Variants in NBEA observed in about 807,000 individuals in gnomAD.
The protein encoded by NBEA is lysosomal-trafficking regulator 2.
Under a neutral mutation model 343.4 loss-of-function variants are expected in NBEA, and 44 were observed. The ratio of observed to expected loss-of-function variants is 0.13; its 90% confidence interval spans 0.10 to 0.16. The LOEUF is 0.16. Ranked by LOEUF, NBEA falls within the 10% of genes least tolerant of loss-of-function variation. NBEA has a pLI of 1.00. For missense variants in NBEA, 2,555 were observed against 3,631.3 expected (o/e 0.70, Z 7.62); for synonymous variants, 1,175 against 1,238.7 (o/e 0.95, Z 1.08).
At chr13:35,621,034 C>G (rs1024520448) in intron 48 of NBEA, among the ~76,000 whole-genome samples, 1 of 152,092 alleles carries the variant, frequency 6.6e-6, no homozygotes, top group African/African-American at 2.4e-5. Flanking sequence ...TTCTAAGCAG[C>G]GGAAAAAGCC....
chr13:34,999,841 G>T lies in NBEA; in HGVS notation c.295-41092G>T, dbSNP rs2061066735. Among the ~76,000 whole-genome samples the T allele has an allele frequency of 2.0e-5, 3 of 151,968 alleles. No individual in the cohort carries two copies. The South Asian group carries it at 6.2e-4, about 32-fold the overall frequency. The stretch of plus-strand genomic sequence containing the variant: ...TATATATCCAGTAAGTACAGTGTCT[G>T]GATTTTAACACAGGCATTCTATTTC... On this transcript the variant is annotated intron_variant, in intron 1 of 58. Transcript: ENST00000379939.
At chr13:34,984,259 G>C (rs180960264) in intron 1 of NBEA, among the ~76,000 whole-genome samples, 1 of 152,272 alleles carries the variant, frequency 6.6e-6, no homozygotes, top group East Asian at 1.9e-4. Context: ...CATATGGCTA[G>C]CCAGTTATTA....
intron 48 of NBEA, among the ~76,000 whole-genome samples, chr13:35,622,899 T>G (rs1388425673): frequency 6.6e-6 from 1 of 152,130 alleles, no homozygotes; most frequent in Non-Finnish European, 1.5e-5. Context: ...TCGGAGAAGC[T>G]TTACCCCAAA....
At chr13:35,541,489 C>A (rs755672437) in intron 41 of NBEA, among the ~76,000 whole-genome samples, 1 of 151,994 alleles carries the variant, frequency 6.6e-6, no homozygotes, top group Non-Finnish European at 1.5e-5. Context: ...AAATAGGAAG[C>A]CTTCTTGCAG....
intron 17 of NBEA, among the ~76,000 whole-genome samples, chr13:35,136,076 C>G (rs2067711297): frequency 6.6e-6 from 1 of 152,074 alleles, no homozygotes; most frequent in Admixed American, 6.6e-5. Flanking sequence ...GACTCTCCCC[C>G]TCCAAAACAA....
chr13:35,283,342 CTTAACT>C lies in NBEA; in HGVS notation c.5777-7044_5777-7039del, dbSNP rs796111555. Among the ~76,000 whole-genome samples the C allele has an allele frequency of 4.1e-4, 62 of 152,128 alleles. 1 individual carries two copies. The highest frequency in any genetic ancestry group is 1.4e-3 in the African/African-American group (59 of 41,498). ...TGGGTATTGTGTAACTACAATTAAA[CTTAACT>C]TTGTTTCTGAGCAATCTAAACATTC... On this transcript the variant is annotated intron_variant, in intron 34 of 58. Transcript: ENST00000379939.
chr13:35,521,144 AATATTAG>A (rs1318099967), intron 41 of NBEA, among the ~76,000 whole-genome samples: 39 of 151,922 alleles, frequency 2.6e-4, no homozygotes. Context: ...AAGGGAGGAT[AATATTAG>A]ATATTAATTT....
At chr13:35,554,372 A>G (rs1219339345) in intron 43 of NBEA, among the ~76,000 whole-genome samples, 1 of 152,228 alleles carries the variant, frequency 6.6e-6, no homozygotes, top group Admixed American at 6.5e-5. Flanking sequence ...TTAGATGAAC[A>G]CATTGAACCT....
rs186368357 is a variant in NBEA, at chr13:35,512,796, C to T, written c.6586-37681C>T. Among the ~76,000 whole-genome samples, 3 of 152,306 alleles carry T rather than the reference C, an allele frequency of 2.0e-5. No homozygotes were observed. The South Asian group carries it at 6.2e-4, about 32-fold the overall frequency. On this transcript the variant is annotated intron_variant, in intron 41 of 58. Coordinates refer to ENST00000379939, the MANE Select transcript of NBEA (RefSeq NM_001385012.1). ...ATTGGCAAACCTCTGGATTAGCTGT[C>T]GTTGATTCAGCCTAGAGGAGGTACC... is the stretch of plus-strand genomic sequence containing the variant.
At chr13:35,072,729 T>C (rs2063929563) in intron 10 of NBEA, among the ~76,000 whole-genome samples, 2 of 151,904 alleles carry the variant, frequency 1.3e-5, no homozygotes, top group East Asian at 3.9e-4. Flanking sequence ...GCCCAGCTAA[T>C]TTTTTTTATT....
chr13:35,632,192 A>T (rs955161908), intron 49 of NBEA, among the ~76,000 whole-genome samples: 1 of 152,076 alleles, frequency 6.6e-6, no homozygotes, highest in Admixed American at 6.6e-5. Flanking sequence ...AAAGTATATG[A>T]TCTGATTTAT....
At chr13:35,123,448 T>G in intron 16 of NBEA, 34 bp from the exon 17 acceptor site, 1 of 1,257,256 alleles carries the variant, frequency 8.0e-7, no homozygotes, top group Non-Finnish European at 1.1e-6. Context: ...TTAATATTAG[T>G]AAGTTTTTAA....
intron 1 of NBEA, among the ~76,000 whole-genome samples, chr13:35,008,424 C>A (rs1192288820): frequency 6.6e-6 from 1 of 152,108 alleles, no homozygotes; most frequent in African/African-American, 2.4e-5. Flanking sequence ...ATGGCCTATA[C>A]AATGTAAATG....
intron 40 of NBEA, among the ~76,000 whole-genome samples, chr13:35,464,489 A>G (rs1324245601): frequency 2.6e-5 from 4 of 152,182 alleles, no homozygotes; most frequent in African/African-American, 9.6e-5. Context: ...CTTCCCCACC[A>G]AAAATAGGCC....
intron 38 of NBEA, among the ~76,000 whole-genome samples, chr13:35,404,934 G>A (rs985520123): frequency 6.6e-6 from 1 of 151,956 alleles, no homozygotes; most frequent in Admixed American, 6.6e-5. Flanking sequence ...GAATAGCATA[G>A]AACTTGGAAT....
chr13:35,541,373 C>G (rs971212187), intron 41 of NBEA, among the ~76,000 whole-genome samples: 5 of 151,820 alleles, frequency 3.3e-5, no homozygotes, highest in Non-Finnish European at 7.4e-5. Context: ...TCCTAATGGT[C>G]AGCTGATAAA....
intron 41 of NBEA, among the ~76,000 whole-genome samples, chr13:35,545,506 T>A (rs1407317048): frequency 6.6e-6 from 1 of 152,250 alleles, no homozygotes; most frequent in Non-Finnish European, 1.5e-5. Context: ...TACCAGTGTT[T>A]TATCTTAACA....
At chr13:35,422,589 A>T (rs537914517) in intron 38 of NBEA, among the ~76,000 whole-genome samples, 14 of 152,304 alleles carry the variant, frequency 9.2e-5, no homozygotes, top group Admixed American at 8.5e-4. Context: ...TGCTATTGTG[A>T]ATAGTGCCAC....
chr13:35,020,628 C>G (rs1566172792), intron 1 of NBEA, among the ~76,000 whole-genome samples: 1 of 152,204 alleles, frequency 6.6e-6, no homozygotes, highest in African/African-American at 2.4e-5. Context: ...AAGCAATTCT[C>G]GTGCCTCAGC....
Sources: allele counts gnomAD v4.1 joint callset (sites outside exome capture counted in the v4.1 genomes callset), GRCh38; gene constraint gnomAD v4.1.1; transcripts MANE v1.5; gene names NCBI Gene and HGNC (gene_info 2026-07-23, HGNC 2026-07-21).